The following TBL1X variants were observed in gnomAD, a reference collection of about 807,000 sequenced individuals.
The protein encoded by TBL1X is transducin beta like 1 X-linked.
In TBL1X, 10 loss-of-function variants were observed where a neutral mutation model predicts 50.7. The ratio of observed to expected loss-of-function variants is 0.20; its 90% CI spans 0.12 to 0.33. TBL1X has a LOEUF of 0.33. Ranked by LOEUF, TBL1X falls within the 10% of genes least tolerant of loss-of-function variation. The pLI, the probability that TBL1X is intolerant of heterozygous loss-of-function variation, is 1.00. For synonymous variants in TBL1X, 190 were observed against 214.7 expected (o/e 0.88, Z 1.01); for missense variants, 340 against 504.4 (o/e 0.67, Z 3.12).
At chrX:9,475,367 C>T (rs772996919) in intron 1 of TBL1X, among the ~76,000 whole-genome samples, 11 of 110,623 alleles carry the variant, frequency 9.9e-5, no homozygotes, top group South Asian at 7.6e-4. Context: ...CTCAGCATCC[C>T]GAGTAGCTGG....
chrX:9,578,274 C>T (rs930142966), intron 2 of TBL1X, among the ~76,000 whole-genome samples: 1 of 111,333 alleles, frequency 9.0e-6, no homozygotes, highest in African/African-American at 3.3e-5. Flanking sequence ...CTCACTCTGT[C>T]TCCCACGCTG....
intron 2 of TBL1X, among the ~76,000 whole-genome samples, chrX:9,536,565 T>C (rs982244894): frequency 1.8e-5 from 2 of 111,662 alleles, no homozygotes; most frequent in African/African-American, 6.5e-5. Flanking sequence ...TGAGCACTTT[T>C]ATCATGTAGT....
intron 15 of TBL1X, 38 bp from the exon 16 acceptor site, chrX:9,711,573 G>A (rs749251799): frequency 8.0e-6 from 9 of 1,128,412 alleles, no homozygotes; most frequent in Middle Eastern, 2.4e-4. Context: ...TGAAACCACC[G>A]TGTGTATGTG....
intron 2 of TBL1X, among the ~76,000 whole-genome samples, chrX:9,558,857 G>T (rs1337775617): frequency 8.9e-6 from 1 of 111,857 alleles, no homozygotes; most frequent in Non-Finnish European, 1.9e-5. Flanking sequence ...CTTCTGTATT[G>T]TTTATCCACT....
intron 1 of TBL1X, among the ~76,000 whole-genome samples, chrX:9,482,139 A>G (rs866039413): frequency 1.9e-5 from 2 of 106,896 alleles, no homozygotes; most frequent in Middle Eastern, 4.9e-3. Flanking sequence ...TACAAGTCCC[A>G]AACTAATGCT....
intron 2 of TBL1X, among the ~76,000 whole-genome samples, chrX:9,586,139 G>C (rs952641105): frequency 9.0e-6 from 1 of 111,552 alleles, no homozygotes; most frequent in South Asian, 3.7e-4. Flanking sequence ...TCCACTTTTG[G>C]GTATACATCC....
intron 2 of TBL1X, among the ~76,000 whole-genome samples, chrX:9,638,513 T>G (rs917216553): frequency 1.8e-5 from 2 of 112,181 alleles, no homozygotes; most frequent in African/African-American, 6.5e-5. Flanking sequence ...ATTCCTATTT[T>G]TGTGTTGATC....
chrX:9,638,444 T>C (rs1041627217), intron 2 of TBL1X, among the ~76,000 whole-genome samples: 2 of 112,412 alleles, frequency 1.8e-5, no homozygotes, highest in East Asian at 2.8e-4. Flanking sequence ...TTTCTAGCAA[T>C]AAACTAATTA....
intron 2 of TBL1X, among the ~76,000 whole-genome samples, chrX:9,565,129 G>A (rs945070161): frequency 5.5e-5 from 6 of 108,227 alleles, no homozygotes; most frequent in South Asian, 8.2e-4. Flanking sequence ...AAAATTAGCC[G>A]GGCGTGGTGT....
chrX:9,695,780 G>A (rs781174437), intron 11 of TBL1X, among the ~76,000 whole-genome samples: 34 of 112,049 alleles, frequency 3.0e-4, no homozygotes, highest in Non-Finnish European at 5.6e-4. Context: ...TTTAACTTCC[G>A]TAGAATTCTA....
chrX:9,518,321 G>T (rs757177391), intron 2 of TBL1X, among the ~76,000 whole-genome samples: 1 of 110,384 alleles, frequency 9.1e-6, no homozygotes, highest in Non-Finnish European at 1.9e-5. Flanking sequence ...CAGAACTAGC[G>T]TGTAGTTCTG....
chrX:9,564,873 T>C (rs2082341741), intron 2 of TBL1X, among the ~76,000 whole-genome samples: 1 of 109,931 alleles, frequency 9.1e-6, no homozygotes, highest in Non-Finnish European at 1.9e-5. Flanking sequence ...AAAAATGTAA[T>C]AGATTGTTGG....
intron 2 of TBL1X, among the ~76,000 whole-genome samples, chrX:9,534,185 C>T (rs1477410349): frequency 9.0e-6 from 1 of 111,573 alleles, no homozygotes; most frequent in Non-Finnish European, 1.9e-5. Flanking sequence ...ATTTTTCTCC[C>T]TTTCACTGTG....
intron 2 of TBL1X, among the ~76,000 whole-genome samples, chrX:9,518,871 C>T (rs2082093775): frequency 9.0e-6 from 1 of 110,921 alleles, no homozygotes; most frequent in Non-Finnish European, 1.9e-5. Flanking sequence ...ACTGTCCATG[C>T]TGACGTGTAA....
At position 9,495,554 on chromosome X, in the gene TBL1X, C is replaced by T. The variant is rs995891458; in HGVS notation, c.-200-6226C>T. On this transcript the variant is annotated intron_variant, in intron 1 of 17. Coordinates refer to ENST00000645353, the MANE Select transcript of TBL1X (RefSeq NM_005647.4). ...GGGAAAATACACAGTGAGGCTTCTG[C>T]GAACCTCTGGTCACAATGTTGTTGT... 4.5e-5 allele frequency among the ~76,000 whole-genome samples: 5 copies of T among 111,298 alleles called. No individual in the cohort carries two copies. The East Asian group carries it at 1.1e-3, about 25-fold the overall frequency.
At chrX:9,509,276 A>G (rs768834197) in intron 2 of TBL1X, among the ~76,000 whole-genome samples, 2 of 99,651 alleles carry the variant, frequency 2.0e-5, no homozygotes, top group South Asian at 1.1e-3. Context: ...CTGTAGTCCC[A>G]GCTACTCGGG....
intron 2 of TBL1X, among the ~76,000 whole-genome samples, chrX:9,569,139 T>C (rs1390545484): frequency 2.8e-5 from 3 of 106,443 alleles, no homozygotes; most frequent in Non-Finnish European, 1.9e-5. Flanking sequence ...GCGTTGTGTC[T>C]ATCTGCAGTG....
intron 3 of TBL1X, among the ~76,000 whole-genome samples, chrX:9,650,206 T>C (rs1389707203): frequency 8.9e-6 from 1 of 112,808 alleles, no homozygotes; most frequent in Non-Finnish European, 1.9e-5. Flanking sequence ...TAAAGAGCAA[T>C]GGTTCTCGGC....
chrX:9,580,559 A>AT (rs2082435598), intron 2 of TBL1X, among the ~76,000 whole-genome samples: 1 of 111,269 alleles, frequency 9.0e-6, no homozygotes, highest in Non-Finnish European at 1.9e-5. Context: ...TCCCAGCTGG[A>AT]TTTTCCCTTT....
Sources: gnomAD v4.1 joint callset for allele counts (sites outside exome capture counted in the v4.1 genomes callset) on GRCh38, gnomAD v4.1.1 for gene constraint, MANE v1.5 for transcripts, NCBI Gene and HGNC (gene_info 2026-07-23, HGNC 2026-07-21) for gene names.